The following KLF8 variants were observed in gnomAD, a reference collection of about 807,000 sequenced individuals.
KLF8 encodes Krueppel-like factor 8.
A neutral mutation model predicts 18.2 loss-of-function variants in KLF8; 10 were observed. The observed-to-expected ratio is 0.55, with a 90% CI of 0.34 to 0.93. The LOEUF (loss-of-function observed/expected upper bound fraction) is 0.93. Among genes scored for constraint, KLF8 ranks in the 40% least tolerant of loss-of-function variants. The pLI is 0.02. For missense variants in KLF8, 264 were observed against 277.9 expected (o/e 0.95, Z 0.36); for synonymous variants, 109 against 97.3 (o/e 1.12, Z -0.71).
chrX:56,171,421 C>A, the KLF8 span, among the ~76,000 whole-genome samples: 2 of 111,383 alleles, frequency 1.8e-5, no homozygotes, highest in Non-Finnish European at 3.8e-5. Flanking sequence ...ATGTGCACAA[C>A]GTGCAGGTTT....
At chrX:56,066,923 T>C in the KLF8 span, among the ~76,000 whole-genome samples, 1 of 109,846 alleles carries the variant, frequency 9.1e-6, no homozygotes, top group Admixed American at 9.6e-5. Flanking sequence ...GGCTTTACAA[T>C]GGTTAGGATT....
chrX:56,178,888 C>G, the KLF8 span, among the ~76,000 whole-genome samples: 78 of 112,115 alleles, frequency 7.0e-4, no homozygotes, highest in African/African-American at 2.5e-3. Context: ...TTACTGTCGC[C>G]TTGTACTATA....
the KLF8 span, among the ~76,000 whole-genome samples, chrX:56,070,668 G>T: frequency 9.1e-6 from 1 of 109,735 alleles, no homozygotes; most frequent in Non-Finnish European, 1.9e-5. Flanking sequence ...GTTGAGTGGG[G>T]GCAAGGGGAA....
At chrX:56,048,419 T>C in the KLF8 span, among the ~76,000 whole-genome samples, 8 of 112,167 alleles carry the variant, frequency 7.1e-5, no homozygotes, top group African/African-American at 2.6e-4. Context: ...TGTAAGTCTT[T>C]AATCCATCTT....
At chrX:55,986,349 G>A in the KLF8 span, among the ~76,000 whole-genome samples, 1 of 112,107 alleles carries the variant, frequency 8.9e-6, no homozygotes, top group Non-Finnish European at 1.9e-5. Flanking sequence ...AACATGAATA[G>A]ATGTTAATTT....
the KLF8 span, among the ~76,000 whole-genome samples, chrX:56,103,241 T>C: frequency 3.6e-5 from 4 of 111,066 alleles, no homozygotes; most frequent in East Asian, 1.1e-3. Context: ...TTTCCAATTC[T>C]GTGAAGAAAG....
At chrX:55,993,462 A>G in the KLF8 span, among the ~76,000 whole-genome samples, 1 of 112,223 alleles carries the variant, frequency 8.9e-6, no homozygotes, top group Non-Finnish European at 1.9e-5. Context: ...CCACTTGATC[A>G]TGGTGGATTA....
chrX:56,057,483 G>A, the KLF8 span, among the ~76,000 whole-genome samples: 1 of 111,741 alleles, frequency 8.9e-6, no homozygotes, highest in Non-Finnish European at 1.9e-5. Context: ...TTGGCCCACG[G>A]GAAGCTGCAT....
the KLF8 span, among the ~76,000 whole-genome samples, chrX:56,065,079 T>C: frequency 1.8e-5 from 2 of 111,694 alleles, no homozygotes; most frequent in Admixed American, 9.5e-5. Flanking sequence ...GAAATTTTAG[T>C]TGTGTATATT....
At chrX:55,956,767 T>A in the KLF8 span, among the ~76,000 whole-genome samples, 1 of 112,068 alleles carries the variant, frequency 8.9e-6, no homozygotes, top group Non-Finnish European at 1.9e-5. Flanking sequence ...GTTGCTGAGT[T>A]GCAGGAATTT....
the KLF8 span, among the ~76,000 whole-genome samples, chrX:56,226,060 C>G: frequency 3.6e-5 from 4 of 111,929 alleles, no homozygotes; most frequent in Non-Finnish European, 7.5e-5. Context: ...GGCCCATTAG[C>G]CCAAACTGGA....
At chrX:56,181,129 C>A in the KLF8 span, among the ~76,000 whole-genome samples, 2 of 111,490 alleles carry the variant, frequency 1.8e-5, no homozygotes, top group Admixed American at 9.5e-5. Context: ...GGACTTTCTT[C>A]ATGAATCTTG....
At chrX:55,957,314 C>A in the KLF8 span, among the ~76,000 whole-genome samples, 1 of 112,121 alleles carries the variant, frequency 8.9e-6, no homozygotes, top group Admixed American at 9.5e-5. Context: ...GGTTTGAAAT[C>A]AGGAACTGTG....
At chrX:56,173,540 C>A in the KLF8 span, among the ~76,000 whole-genome samples, 1 of 111,891 alleles carries the variant, frequency 8.9e-6, no homozygotes, top group African/African-American at 3.2e-5. Context: ...CGTGATGCCT[C>A]CAGCTTTGTT....
the KLF8 span, among the ~76,000 whole-genome samples, chrX:56,114,294 C>T: frequency 1.8e-5 from 2 of 112,590 alleles, no homozygotes; most frequent in East Asian, 5.6e-4. Context: ...CTTAGGCCAT[C>T]TCCAGCGTGC....
the KLF8 span, among the ~76,000 whole-genome samples, chrX:56,187,766 A>C: frequency 6.3e-5 from 7 of 111,019 alleles, no homozygotes; most frequent in East Asian, 8.4e-4. Context: ...GAACCAAAGA[A>C]AAAAACCACA....
At chrX:56,205,920 A>T in the KLF8 span, among the ~76,000 whole-genome samples, 1 of 111,919 alleles carries the variant, frequency 8.9e-6, no homozygotes, top group Non-Finnish European at 1.9e-5. Flanking sequence ...TGGATAACTT[A>T]TAAAGGAAAG....
At chrX:55,999,800 A>G in the KLF8 span, among the ~76,000 whole-genome samples, 1 of 111,581 alleles carries the variant, frequency 9.0e-6, no homozygotes, top group African/African-American at 3.3e-5. Flanking sequence ...GCAAAAAAAG[A>G]TAGTTCAACT....
the KLF8 span, among the ~76,000 whole-genome samples, chrX:55,926,810 T>C: frequency 9.0e-6 from 1 of 110,530 alleles, no homozygotes; most frequent in African/African-American, 3.3e-5. Flanking sequence ...CTAAAGAGAC[T>C]AGATATTTAA....
Sources: allele counts gnomAD v4.1 joint callset (sites outside exome capture counted in the v4.1 genomes callset), GRCh38; gene constraint gnomAD v4.1.1; transcripts MANE v1.5; gene names NCBI Gene and HGNC (gene_info 2026-07-23, HGNC 2026-07-21).